INTS7: variants seen among roughly 807,000 people sequenced by gnomAD.
The protein encoded by INTS7 is chromosome 1 open reading frame 73.
INTS7 carries 46 observed loss-of-function variants against 109.2 expected under a neutral mutation model. That is an observed-to-expected ratio of 0.42 (90% confidence interval 0.33 to 0.54). INTS7 has a LOEUF of 0.54. Ranked by LOEUF, INTS7 falls within the 20% of genes least tolerant of loss-of-function variation. The pLI is 0.07. For synonymous variants in INTS7, 412 were observed against 402.9 expected, an observed-to-expected ratio of 1.02 and a Z score of -0.27; for missense variants, 929 against 1,132.4, an observed-to-expected ratio of 0.82 and a Z score of 2.58.
At chr1:212,000,939 T>G (rs1049652669) in intron 7 of INTS7, among the ~76,000 whole-genome samples, 1 of 152,204 alleles carries the variant, frequency 6.6e-6, no homozygotes, top group Non-Finnish European at 1.5e-5. Context: ...GTTGCAATTC[T>G]TCCCCTCTAC....
chr1:211,991,298 A>G (rs1215850329), intron 7 of INTS7, among the ~76,000 whole-genome samples: 1 of 152,264 alleles, frequency 6.6e-6, no homozygotes, highest in African/African-American at 2.4e-5. Flanking sequence ...GACTCACATC[A>G]GAATTCTGGC....
intron 4 of INTS7, among the ~76,000 whole-genome samples, chr1:212,013,805 G>A (rs1322326949): frequency 6.6e-6 from 1 of 152,168 alleles, no homozygotes; most frequent in Admixed American, 6.5e-5. Context: ...TTTACAGCCT[G>A]GGGCAACAGG....
chr1:212,028,973 T>C (rs1297591319), intron 1 of INTS7, among the ~76,000 whole-genome samples: 3 of 152,218 alleles, frequency 2.0e-5, no homozygotes, highest in African/African-American at 7.2e-5. Context: ...AAAATGCATC[T>C]CTAGCAAGCA....
intron 1 of INTS7, among the ~76,000 whole-genome samples, chr1:212,028,627 A>G (rs972960195): frequency 2.0e-5 from 3 of 152,250 alleles, no homozygotes; most frequent in African/African-American, 7.2e-5. Flanking sequence ...TAAGCTGAAC[A>G]AAGAAGTAAA....
In INTS7 at chr1:211,941,749, T is replaced by C; in HGVS notation, c.*75A>G. 1.3e-6 allele frequency: 2 copies of C among 1,529,952 alleles called. No homozygotes were observed. The highest frequency in any genetic ancestry group is 1.8e-6 in the Non-Finnish European group (2 of 1,131,784). 94.8% of individuals were successfully genotyped at this position (1,529,952 alleles called of 1,614,324 possible). A position where few individuals can be genotyped will look rare whatever the true frequency, so the allele number is the denominator to read the frequency against. ...AACTACACTGTAACTTTAATACTTA[T>C]TCCATATGAAAAACCAAACTGTTTC... On this transcript the variant is annotated 3_prime_UTR_variant, in exon 20 of 20. Coordinates refer to ENST00000366994, the MANE Select transcript of INTS7 (RefSeq NM_015434.4).
At chr1:212,021,665 T>C (rs1666712234) in intron 1 of INTS7, among the ~76,000 whole-genome samples, 1 of 145,066 alleles carries the variant, frequency 6.9e-6, no homozygotes, top group East Asian at 2.0e-4. Context: ...AACAACACAG[T>C]CAGACCTCAT....
intron 17 of INTS7, among the ~76,000 whole-genome samples, chr1:211,950,697 T>C (rs142517802): frequency 0.011 from 1,615 of 152,366 alleles, 28 homozygotes; most frequent in African/African-American, 0.036. Flanking sequence ...TAAAAGGATG[T>C]TAAGCAATGT....
At chr1:211,979,319 G>A (rs1348947521) in intron 10 of INTS7, among the ~76,000 whole-genome samples, 1 of 152,146 alleles carries the variant, frequency 6.6e-6, no homozygotes, top group African/African-American at 2.4e-5. Context: ...GGGGTGTCAG[G>A]CACACACATA....
rs749228716 is a variant in INTS7 at position 211,978,426 on chromosome 1, T to C, written c.1316A>G (p.His439Arg). 6.2e-7 allele frequency: 1 copy of C among 1,614,220 alleles called. No homozygotes were observed. Among genetic ancestry groups the C allele is most frequent in the Non-Finnish European group, 8.5e-7 (1 of 1,180,038 alleles). Residue 439 changes from histidine to arginine, a missense_variant, in exon 11 of 20, where the codon CAC becomes CGC. Physicochemically the swap from His to Arg is conservative, Grantham distance 29. This residue lies in a region of INTS7 where 787 missense variants were observed against 901.1 expected (regional missense o/e 0.87). Transcript: ENST00000366994. ...AATCCGGGCAGCGTCTTGAGCACTG[T>C]GCAATTGAGTCAACAAGGTCTCAAC... Reference protein sequence around the residue: ...SVVETLLTQLHSAQDAARILM... With the variant: ...SVVETLLTQLRSAQDAARILM...
chr1:211,973,727 G>A (rs574760899), intron 13 of INTS7, among the ~76,000 whole-genome samples: 1 of 152,282 alleles, frequency 6.6e-6, no homozygotes, highest in African/African-American at 2.4e-5. Context: ...CAACAACTCT[G>A]AGGATCATAC....
At chr1:211,983,216 T>C (rs1664739558) in intron 8 of INTS7, among the ~76,000 whole-genome samples, 1 of 152,142 alleles carries the variant, frequency 6.6e-6, no homozygotes, top group Non-Finnish European at 1.5e-5. Flanking sequence ...TTGCTTTTTT[T>C]TTCCATCTCA....
At chr1:211,998,027 C>A (rs540300048) in intron 7 of INTS7, among the ~76,000 whole-genome samples, 1 of 152,232 alleles carries the variant, frequency 6.6e-6, no homozygotes, top group African/African-American at 2.4e-5. Context: ...GGCAGTAGAC[C>A]TAGAACAGCC....
At chr1:211,975,408 G>A (rs756588900) in intron 12 of INTS7, 36 bp from the exon 13 acceptor site, 6 of 1,501,680 alleles carry the variant, frequency 4.0e-6, no homozygotes, top group South Asian at 1.1e-5. Context: ...AAGAATAGAA[G>A]GAGCACACGG....
intron 7 of INTS7, among the ~76,000 whole-genome samples, chr1:211,995,381 C>A (rs1229394777): frequency 6.6e-6 from 1 of 151,852 alleles, no homozygotes; most frequent in Non-Finnish European, 1.5e-5. Flanking sequence ...TTTTTTCTTT[C>A]TTTATTTTAC....
intron 16 of INTS7, among the ~76,000 whole-genome samples, chr1:211,953,643 A>T (rs890324428): frequency 4.0e-5 from 6 of 149,220 alleles, no homozygotes; most frequent in African/African-American, 1.5e-4. Flanking sequence ...GAGTGAGAAC[A>T]TGCGGTGTTT....
intron 1 of INTS7, among the ~76,000 whole-genome samples, chr1:212,025,132 T>C (rs908040336): frequency 7.2e-5 from 11 of 152,244 alleles, no homozygotes; most frequent in African/African-American, 2.2e-4. Context: ...TCTTTCTGTA[T>C]GGTAATAAAC....
At chr1:211,989,642 T>A (rs1420890099) in intron 7 of INTS7, among the ~76,000 whole-genome samples, 3 of 151,838 alleles carry the variant, frequency 2.0e-5, no homozygotes, top group African/African-American at 7.3e-5. Flanking sequence ...GCCAGCATGG[T>A]GAAACCCTGT....
At chr1:212,018,818 G>A (rs1036131164) in intron 3 of INTS7, among the ~76,000 whole-genome samples, 2 of 151,938 alleles carry the variant, frequency 1.3e-5, no homozygotes, top group African/African-American at 4.8e-5. Context: ...TTCCCATGTC[G>A]ATTTTTCCCC....
Position 211,968,607 on chromosome 1 carries a change from T to G in INTS7, c.1916A>C (p.Asn639Thr). 6.2e-7 allele frequency: 1 copy of G among 1,614,022 alleles called. No homozygotes were observed. Among genetic ancestry groups the G allele is most frequent in the Non-Finnish European group, 8.5e-7 (1 of 1,179,982 alleles). ...QAFSQLICTC[N>T]SLKTSPPPAI... is the part of the protein sequence containing the mutation. ...AGGTGGTGGGCTTGTCTTCAGGCTA[T>G]TACAAGTACAGATAAGTTGAGAGAA... Residue 639 changes from asparagine (N) to threonine (T), a missense_variant, in exon 14 of 20, where the codon AAT (asparagine) becomes ACT (threonine). This residue lies in a region of INTS7 where 787 missense variants were observed against 901.1 expected (regional missense o/e 0.87). Coordinates refer to ENST00000366994, the MANE Select transcript of INTS7 (RefSeq NM_015434.4).
Sources: allele counts gnomAD v4.1 joint callset (sites outside exome capture counted in the v4.1 genomes callset), GRCh38; gene constraint gnomAD v4.1.1; regional missense constraint gnomAD v4.1.1; transcripts MANE v1.5; gene names NCBI Gene and HGNC (gene_info 2026-07-23, HGNC 2026-07-21).